The following RPS6KC1 variants were observed in gnomAD, a reference collection of about 807,000 sequenced individuals.
RPS6KC1 encodes the protein ribosomal protein S6 kinase C1.
In RPS6KC1, 54 loss-of-function variants were observed where a neutral mutation model predicts 103.8. The observed-to-expected ratio is 0.52, with a 90% confidence interval of 0.42 to 0.65. The LOEUF (loss-of-function observed/expected upper bound fraction) is 0.65. Among genes scored for constraint, RPS6KC1 ranks in the 30% least tolerant of loss-of-function variants. RPS6KC1 has a pLI of 0.00. For missense variants in RPS6KC1, 1,151 were observed against 1,253.8 expected (o/e 0.92, Z 1.24); for synonymous variants, 439 against 438.7 (o/e 1.00, Z -0.01).
At chr1:213,853,381 C>A in the RPS6KC1 span, among the ~76,000 whole-genome samples, 1 of 152,156 alleles carries the variant, frequency 6.6e-6, no homozygotes, top group African/African-American at 2.4e-5. Context: ...AGTCCTTAAC[C>A]CCTTTGAGCC....
the RPS6KC1 span, among the ~76,000 whole-genome samples, chr1:213,619,437 T>G: frequency 6.6e-6 from 1 of 152,222 alleles, no homozygotes; most frequent in Non-Finnish European, 1.5e-5. Context: ...AGGATTGCAT[T>G]TACATCTATT....
chr1:213,159,278 G>A (rs1397576525), intron 6 of RPS6KC1, among the ~76,000 whole-genome samples: 4 of 152,128 alleles, frequency 2.6e-5, no homozygotes, highest in Non-Finnish European at 5.9e-5. Context: ...CTATTTTGGT[G>A]TCAAATTTTA....
chr1:213,664,691 G>A, the RPS6KC1 span, among the ~76,000 whole-genome samples: 2 of 152,160 alleles, frequency 1.3e-5, no homozygotes, highest in African/African-American at 4.8e-5. Context: ...TGGAAACAAT[G>A]CCCCTGCCTG....
At chr1:213,107,525 A>T (rs2082615820) in intron 4 of RPS6KC1, among the ~76,000 whole-genome samples, 1 of 152,202 alleles carries the variant, frequency 6.6e-6, no homozygotes, top group Admixed American at 6.5e-5. Context: ...TGTATAGATA[A>T]TACCACATTT....
At chr1:213,283,998 T>A in the RPS6KC1 span, among the ~76,000 whole-genome samples, 28 of 151,398 alleles carry the variant, frequency 1.8e-4, no homozygotes, top group African/African-American at 6.3e-4. Context: ...AAAAGAGAAA[T>A]AGGAACAGAA....
chr1:213,436,700 A>G, the RPS6KC1 span, among the ~76,000 whole-genome samples: 1 of 152,200 alleles, frequency 6.6e-6, no homozygotes, highest in Non-Finnish European at 1.5e-5. Context: ...AATATTTTAT[A>G]GCTCTCTTGG....
At chr1:213,138,741 C>G (rs2086670324) in intron 6 of RPS6KC1, among the ~76,000 whole-genome samples, 1 of 152,140 alleles carries the variant, frequency 6.6e-6, no homozygotes, top group African/African-American at 2.4e-5. Flanking sequence ...ACCATATTTT[C>G]TTTATCCAGT....
At chr1:213,765,013 C>T in the RPS6KC1 span, among the ~76,000 whole-genome samples, 3 of 152,154 alleles carry the variant, frequency 2.0e-5, no homozygotes, top group African/African-American at 7.2e-5. Context: ...TCTATTCCAG[C>T]AAGTTTTCAG....
At chr1:213,748,893 C>A in the RPS6KC1 span, among the ~76,000 whole-genome samples, 2 of 152,178 alleles carry the variant, frequency 1.3e-5, no homozygotes, top group Admixed American at 1.3e-4. Context: ...CCAGGAGAAT[C>A]TGTTTGGATA....
At chr1:213,242,466 C>A (rs533396692) in intron 11 of RPS6KC1, 103 bp from the exon 12 acceptor site, 3 of 1,112,616 alleles carry the variant, frequency 2.7e-6, no homozygotes, top group East Asian at 4.9e-5. Flanking sequence ...TGCCATTATT[C>A]TTAATGATAC....
At chr1:213,262,157 A>G (rs1169997370) in intron 13 of RPS6KC1, among the ~76,000 whole-genome samples, 1 of 152,196 alleles carries the variant, frequency 6.6e-6, no homozygotes, top group Non-Finnish European at 1.5e-5. Flanking sequence ...GAGTTAGTAG[A>G]CTTTAATAAA....
In RPS6KC1 at chr1:213,128,396, A is replaced by G. The variant is rs1395584673; in HGVS notation, c.473-1131A>G. Among the ~76,000 whole-genome samples, 5 of 152,332 alleles carry G rather than the reference A, an allele frequency of 3.3e-5. No individual in the cohort carries two copies. The South Asian group carries it at 6.2e-4, about 19-fold the overall frequency. On this transcript the variant is annotated intron_variant, in intron 5 of 14. Coordinates refer to ENST00000366960, the MANE Select transcript of RPS6KC1 (RefSeq NM_012424.6). Reference sequence around the variant, plus strand: ...TTCTAGACTTCTTTTGTAAATATCAATATTGGTATTTAATAAATATTCACA... The same window carrying G: ...TTCTAGACTTCTTTTGTAAATATCAGTATTGGTATTTAATAAATATTCACA...
intron 6 of RPS6KC1, among the ~76,000 whole-genome samples, chr1:213,156,983 TA>T (rs961600305): frequency 1.2e-4 from 18 of 152,272 alleles, no homozygotes; most frequent in African/African-American, 4.1e-4. Flanking sequence ...GAATTTATCT[TA>T]AGAGGTAAAA....
chr1:213,073,792 C>T (rs1317866115), intron 2 of RPS6KC1, among the ~76,000 whole-genome samples: 1 of 152,118 alleles, frequency 6.6e-6, no homozygotes, highest in East Asian at 1.9e-4. Flanking sequence ...TCTCCTGCCT[C>T]AGCCTCCTGA....
chr1:213,498,744 G>A, the RPS6KC1 span, among the ~76,000 whole-genome samples: 3 of 146,428 alleles, frequency 2.0e-5, no homozygotes, highest in African/African-American at 2.5e-5. Context: ...ATGAGCCACC[G>A]TGCCCGGCCA....
the RPS6KC1 span, among the ~76,000 whole-genome samples, chr1:213,541,437 A>G: frequency 6.6e-6 from 1 of 152,064 alleles, no homozygotes; most frequent in Admixed American, 6.5e-5. Flanking sequence ...ACACTTGCCC[A>G]ATGCAGGGTT....
the RPS6KC1 span, among the ~76,000 whole-genome samples, chr1:213,563,425 AT>A: frequency 6.6e-5 from 10 of 152,042 alleles, no homozygotes; most frequent in Admixed American, 2.0e-4. Context: ...TTACTTTGGA[AT>A]TTTAGTTCAT....
chr1:213,696,472 A>T, the RPS6KC1 span, among the ~76,000 whole-genome samples: 1 of 141,302 alleles, frequency 7.1e-6, no homozygotes, highest in Admixed American at 7.3e-5. Flanking sequence ...GTTGCACTCC[A>T]GCCTGGGCAA....
At chr1:213,671,913 T>A in the RPS6KC1 span, among the ~76,000 whole-genome samples, 1 of 151,624 alleles carries the variant, frequency 6.6e-6, no homozygotes, top group African/African-American at 2.4e-5. Flanking sequence ...CTGTGCCCCA[T>A]AAATATATAT....
Sources: gnomAD v4.1 joint callset for allele counts (sites outside exome capture counted in the v4.1 genomes callset) on GRCh38, gnomAD v4.1.1 for gene constraint, MANE v1.5 for transcripts, NCBI Gene and HGNC (gene_info 2026-07-23, HGNC 2026-07-21) for gene names.